Variants in AFF2 observed in about 807,000 individuals in gnomAD.
The protein encoded by AFF2 is AF4/FMR2 family member 2.
In AFF2, 14 loss-of-function variants were observed where a neutral mutation model predicts 76.9. That is an observed-to-expected ratio of 0.18 (90% CI 0.12 to 0.28). AFF2 has a LOEUF of 0.28. AFF2 is among the 10% of genes least tolerant of loss of function. The probability of loss-of-function intolerance (pLI) is 1.00; values close to 1 mark genes in which losing one functional copy is unlikely to be tolerated. For missense variants in AFF2, 868 were observed against 1,001.1 expected, an observed-to-expected ratio of 0.87 and a Z score of 1.79; for synonymous variants, 398 against 366.7, an observed-to-expected ratio of 1.09 and a Z score of -0.98.
intron 3 of AFF2, among the ~76,000 whole-genome samples, chrX:148,782,725 A>T (rs6641463): frequency 2.7e-5 from 3 of 110,362 alleles, no homozygotes; most frequent in Non-Finnish European, 5.7e-5. Flanking sequence ...CCTAATTGGT[A>T]CTAATTTAGT....
chrX:148,587,844 G>A (rs2053483762), intron 1 of AFF2, among the ~76,000 whole-genome samples: 1 of 112,324 alleles, frequency 8.9e-6, no homozygotes, highest in Non-Finnish European at 1.9e-5. Flanking sequence ...GTTTTCCTTA[G>A]GTATTATTCA....
chrX:148,583,552 A>G (rs1310144003), intron 1 of AFF2, among the ~76,000 whole-genome samples: 3 of 111,664 alleles, frequency 2.7e-5, no homozygotes, highest in South Asian at 3.7e-4. Flanking sequence ...CTCTTAGCAG[A>G]TAGAGTTAGA....
intron 1 of AFF2, among the ~76,000 whole-genome samples, chrX:148,565,449 A>G (rs1302246416): frequency 9.0e-6 from 1 of 111,691 alleles, no homozygotes; most frequent in Non-Finnish European, 1.9e-5. Context: ...TTTTAAGGTC[A>G]TTAGCCATAA....
chrX:148,979,944 C>G (rs1156751213), intron 18 of AFF2, among the ~76,000 whole-genome samples: 3 of 112,006 alleles, frequency 2.7e-5, no homozygotes, highest in African/African-American at 9.7e-5. Context: ...ATGTAACTTC[C>G]GAGAGCAGGT....
chrX:148,625,955 A>C (rs919079664), intron 1 of AFF2, among the ~76,000 whole-genome samples: 6 of 112,245 alleles, frequency 5.3e-5, no homozygotes, highest in African/African-American at 1.6e-4. Context: ...TGGACAAAAA[A>C]CAGAGGTGCA....
chrX:148,666,585 AAAAT>A (rs57375084), intron 3 of AFF2, among the ~76,000 whole-genome samples: 27,367 of 100,766 alleles, frequency 0.27, 3,358 homozygotes, highest in Middle Eastern at 0.38. Context: ...CTCTGTCTCA[AAAAT>A]AAATAAATAA....
chrX:148,710,075 C>G (rs2054945829), intron 3 of AFF2, among the ~76,000 whole-genome samples: 1 of 111,810 alleles, frequency 8.9e-6, no homozygotes, highest in Non-Finnish European at 1.9e-5. Flanking sequence ...CCTTACTCAA[C>G]AGATTCGGAA....
At position 148,998,936 on chromosome X, in the gene AFF2, G is replaced by A. The variant is rs1017677185; in HGVS notation, c.*7604G>A. The A allele has an allele frequency of 5.5e-5, 6 of 109,388 alleles. No individual in the cohort carries two copies. The highest frequency in any genetic ancestry group is 1.1e-4 in the Non-Finnish European group (6 of 52,577). 9.0% of individuals were successfully genotyped at this position (109,388 alleles called of 1,213,427 possible). The stretch of plus-strand genomic sequence containing the variant: ...CCTCATTAAAATATTGAAATCTGGA[G>A]TCTTTGATAAATCTGCATTAGACCA... On this transcript the variant is annotated 3_prime_UTR_variant, in exon 21 of 21. Coordinates refer to ENST00000370460, the MANE Select transcript of AFF2 (RefSeq NM_002025.4).
intron 4 of AFF2, among the ~76,000 whole-genome samples, chrX:148,810,434 CAGAACAA>C (rs1371513872): frequency 8.9e-6 from 1 of 112,245 alleles, no homozygotes; most frequent in Non-Finnish European, 1.9e-5. Flanking sequence ...GCCTTGAGGG[CAGAACAA>C]AGTTGAAAGA....
At chrX:148,530,984 T>C (rs1335303651) in intron 1 of AFF2, among the ~76,000 whole-genome samples, 1 of 112,042 alleles carries the variant, frequency 8.9e-6, no homozygotes, top group Non-Finnish European at 1.9e-5. Flanking sequence ...TTGCCCTGGC[T>C]TTTTCTCTTT....
intron 1 of AFF2, among the ~76,000 whole-genome samples, chrX:148,562,344 A>G (rs1195390796): frequency 2.7e-5 from 3 of 111,852 alleles, no homozygotes; most frequent in Non-Finnish European, 5.6e-5. Flanking sequence ...AATATAAACC[A>G]TGGAAAGAAT....
intron 3 of AFF2, among the ~76,000 whole-genome samples, chrX:148,756,397 T>C (rs1450658411): frequency 8.9e-6 from 1 of 112,490 alleles, no homozygotes; most frequent in East Asian, 2.8e-4. Context: ...ATGAAAGACT[T>C]AACTGTGCTT....
At chrX:148,906,236 G>A (rs185961973) in intron 9 of AFF2, among the ~76,000 whole-genome samples, 23 of 111,944 alleles carry the variant, frequency 2.1e-4, no homozygotes, top group Admixed American at 1.6e-3. Flanking sequence ...TATACATAGT[G>A]GTCCTTTTGC....
chrX:148,656,137 C>T (rs782075350), intron 2 of AFF2, among the ~76,000 whole-genome samples: 2 of 112,072 alleles, frequency 1.8e-5, no homozygotes, highest in Non-Finnish European at 3.8e-5. Context: ...TTCTTTGCCT[C>T]TACCACTGCC....
Position 148,977,913 on chromosome X carries a change from C to T in AFF2, c.3405-20C>T. On this transcript the variant is annotated intron_variant, in intron 16 of 20. Transcript: ENST00000370460. Reference sequence around the variant, plus strand: ...AAGGGTAATACAGATTCCACTTTAGCTTTTCTTTTCTCTTCAAAGGTATGC... The same window carrying T: ...AAGGGTAATACAGATTCCACTTTAGTTTTTCTTTTCTCTTCAAAGGTATGC... 1 of 1,158,773 alleles carries T rather than the reference C, an allele frequency of 8.6e-7. No individual in the cohort carries two copies.
intron 1 of AFF2, among the ~76,000 whole-genome samples, chrX:148,565,356 C>A (rs2053157511): frequency 1.8e-5 from 2 of 111,082 alleles, no homozygotes; most frequent in Admixed American, 9.6e-5. Context: ...AATATTCCCC[C>A]AAAAGCATCA....
At chrX:148,510,258 A>G (rs1165189225) in intron 1 of AFF2, among the ~76,000 whole-genome samples, 12 of 112,153 alleles carry the variant, frequency 1.1e-4, no homozygotes, top group Admixed American at 9.5e-4. Context: ...CGGTATTAAT[A>G]GTAATAATTT....
chrX:148,588,579 TA>T (rs1290147399), intron 1 of AFF2, among the ~76,000 whole-genome samples: 3 of 112,711 alleles, frequency 2.7e-5, no homozygotes, highest in African/African-American at 9.7e-5. Flanking sequence ...TTCACATTTT[TA>T]AAAAAATCAA....
chrX:148,678,208 T>C (rs1367264961), intron 3 of AFF2, among the ~76,000 whole-genome samples: 2 of 112,060 alleles, frequency 1.8e-5, no homozygotes, highest in Non-Finnish European at 3.8e-5. Context: ...CAGTGAAGAA[T>C]ATAGAAGCCT....
Sources: gnomAD v4.1 joint callset for allele counts (sites outside exome capture counted in the v4.1 genomes callset) on GRCh38, gnomAD v4.1.1 for gene constraint, MANE v1.5 for transcripts, NCBI Gene and HGNC (gene_info 2026-07-23, HGNC 2026-07-21) for gene names.